Variants in SYNC observed in about 807,000 individuals in gnomAD.
The protein encoded by SYNC is syncoilin.
SYNC carries 38 observed loss-of-function variants against 49.5 expected under a neutral mutation model. That is an observed-to-expected ratio of 0.77 (90% CI 0.59 to 1.01). The LOEUF (loss-of-function observed/expected upper bound fraction) is 1.01, where lower values mean the gene tolerates loss of function less well. SYNC is among the 50% of genes least tolerant of loss of function. The pLI, the probability that SYNC is intolerant of heterozygous loss-of-function variation, is 0.00. For missense variants in SYNC, 579 were observed against 580.6 expected, an observed-to-expected ratio of 1.00 and a Z score of 0.03; for synonymous variants, 201 against 230.8, an observed-to-expected ratio of 0.87 and a Z score of 1.17.
intron 1 of SYNC, among the ~76,000 whole-genome samples, chr1:32,699,425 G>A (rs1650582509): frequency 6.6e-6 from 1 of 151,952 alleles, no homozygotes; most frequent in African/African-American, 2.4e-5. Context: ...AAAGTGCTGG[G>A]ATTACAGGCA....
intron 4 of SYNC, chr1:32,682,541 G>C (rs1308749213): frequency 1.3e-5 from 2 of 152,216 alleles, no homozygotes; most frequent in East Asian, 3.9e-4. Flanking sequence ...GAGAGGCTGA[G>C]GCACGTGGAT....
At chr1:32,689,610 G>A (rs1013492976) in intron 2 of SYNC, among the ~76,000 whole-genome samples, 4 of 152,052 alleles carry the variant, frequency 2.6e-5, no homozygotes, top group African/African-American at 7.2e-5. Flanking sequence ...AACGTTAAGA[G>A]TGGAGTGCAG....
At position 32,681,828 on chromosome 1, in the gene SYNC, T is replaced by G. The variant is rs1649457864; in HGVS notation, c.*22A>C. 6.2e-7 allele frequency: 1 copy of G among 1,614,172 alleles called. No individual in the cohort carries two copies. The highest frequency in any genetic ancestry group is 8.5e-7 in the Non-Finnish European group (1 of 1,180,016). The stretch of plus-strand genomic sequence containing the variant: ...TAAGAAGTTTTTTGCTGTTTCCGGG[T>G]TACAGATTTGGCCATATATTTCTAA... On this transcript the variant is annotated 3_prime_UTR_variant, in exon 5 of 5. Coordinates refer to ENST00000409190, the MANE Select transcript of SYNC (RefSeq NM_030786.3).
At position 32,681,838 on chromosome 1, in the gene SYNC, G is replaced by A. The variant is rs1260543642; in HGVS notation, c.*12C>T. ...TTTGCTGTTTCCGGGTTACAGATTTGGCCATATATTTCTAAACAGCCCCTG... is the reference window on the plus strand; with the variant it reads ...TTTGCTGTTTCCGGGTTACAGATTTAGCCATATATTTCTAAACAGCCCCTG... On this transcript the variant is annotated 3_prime_UTR_variant, in exon 5 of 5. Transcript: ENST00000409190. The A allele has an allele frequency of 6.2e-7, 1 of 1,614,070 alleles. No individual in the cohort carries two copies. Among genetic ancestry groups the A allele is most frequent in the South Asian group, 1.1e-5 (1 of 91,064 alleles).
chr1:32,694,382 G>A (rs1040657855), intron 2 of SYNC, among the ~76,000 whole-genome samples: 2 of 151,674 alleles, frequency 1.3e-5, no homozygotes, highest in African/African-American at 2.4e-5. Context: ...GGCCGGGCGC[G>A]GTGGCTCACA....
rs771895515 is a variant in SYNC, at chr1:32,694,895, T to C, written c.1203A>G (p.Gln401=). ...ACTGCTGCACCTCTTCATCTCGTTTTTGCCTCACAAGTGCGATCTGGTCCT... is the reference window on the plus strand; with the variant it reads ...ACTGCTGCACCTCTTCATCTCGTTTCTGCCTCACAAGTGCGATCTGGTCCT... ...NLEDQIALVR[Q]KRDEEVQQYR... The change falls in exon 2 of 5, where the codon CAA becomes CAG. Residue 401 remains glutamine (Q), a synonymous_variant. Coordinates refer to ENST00000409190, the MANE Select transcript of SYNC (RefSeq NM_030786.3). The C allele has an allele frequency of 4.3e-6, 7 of 1,610,328 alleles. No individual in the cohort carries two copies. The East Asian group carries it at 8.9e-5, about 21-fold the overall frequency.
At position 32,695,083 on chromosome 1, in the gene SYNC, G is replaced by A. The variant is rs779487400; in HGVS notation, c.1015C>T (p.Leu339=). 2 of 1,613,362 alleles carry A rather than the reference G, an allele frequency of 1.2e-6. No individual in the cohort carries two copies. Among genetic ancestry groups the A allele is most frequent in the African/African-American group, 1.3e-5 (1 of 74,870 alleles). The change falls in exon 2 of 5, where the codon CTG becomes TTG. Residue 339 remains leucine (L), a synonymous_variant. Coordinates refer to ENST00000409190, the MANE Select transcript of SYNC (RefSeq NM_030786.3). ...ENLMAESRQD[L]EEEYEPQFLR... is the part of the protein sequence containing the mutation. ...AACTGAGGCTCATACTCCTCCTCCA[G>A]GTCCTGGCGGCTCTCTGCCATGAGA...
intron 4 of SYNC, chr1:32,683,734 G>A (rs1021649031): frequency 2.9e-5 from 10 of 339,638 alleles, no homozygotes; most frequent in Non-Finnish European, 5.5e-5. Context: ...CCTGGTTCAA[G>A]CGATTCTCCT....
Position 32,684,361 on chromosome 1 carries a change from C to T in SYNC, c.1255G>A (p.Glu419Lys), listed in dbSNP as rs1440347326. Residue 419 changes from glutamate to lysine, a missense_variant, in exon 3 of 5, where the codon GAA (glutamate) becomes AAA (lysine). Coordinates refer to ENST00000409190, the MANE Select transcript of SYNC (RefSeq NM_030786.3). The part of the protein sequence containing the change: ...QYREQLEEME[E>K]RQRQLRNGVQ... ...CCATTTCTTAACTGCCTCTGGCGTT[C>T]TTCCATTTCCTCCAGCTGTTCCTGC... 3.1e-6 allele frequency: 5 copies of T among 1,614,178 alleles called. No homozygotes were observed. Among genetic ancestry groups the T allele is most frequent in the Middle Eastern group, 1.6e-4 (1 of 6,062 alleles).
At position 32,702,516 on chromosome 1, in the gene SYNC, G is replaced by T; in HGVS notation, c.53+92C>A. ...CGGCTGGACCACTACCCCTAGACAG[G>T]CGAAAGACGCCCGCGGTCGGGGGGA... is the stretch of plus-strand genomic sequence containing the variant. On this transcript the variant is annotated intron_variant, in intron 1 of 4. Coordinates refer to ENST00000409190, the MANE Select transcript of SYNC (RefSeq NM_030786.3). The surrounding 1 kb of genome is among the most constrained non-coding windows in gnomAD (Gnocchi z 6.2). 4 of 1,156,298 alleles carry T rather than the reference G, an allele frequency of 3.5e-6. No individual in the cohort carries two copies. Among genetic ancestry groups the T allele is most frequent in the Non-Finnish European group, 4.3e-6 (4 of 930,880 alleles). The allele number at this position is 1,156,298 out of a possible 1,614,324, so 71.6% of individuals were successfully genotyped here. A position where few individuals can be genotyped will look rare whatever the true frequency, so the allele number is the denominator to read the frequency against.
rs369859587 is a variant in SYNC, at chr1:32,684,371, C to T, written c.1245G>A (p.Glu415=). 1 of 1,614,074 alleles carries T rather than the reference C, an allele frequency of 6.2e-7. No homozygotes were observed. The highest frequency in any genetic ancestry group is 1.3e-5 in the African/African-American group (1 of 74,940). ...ACTGCCTCTGGCGTTCTTCCATTTC[C>T]TCCAGCTGTTCCTGCATGAGATGGC... The part of the protein sequence containing the change: ...EEVQQYREQL[E]EMEERQRQLR... Residue 415 remains glutamate (E), a synonymous_variant, in exon 3 of 5, where the codon GAG becomes GAA. Transcript: ENST00000409190.
In SYNC at chr1:32,695,119, G is replaced by A. The variant is rs1289548389; in HGVS notation, c.979C>T (p.Gln327Ter). Residue 327 changes from glutamine to a stop codon, truncating the protein, a stop_gained, in exon 2 of 5, where the codon CAG (glutamine) becomes TAG (stop). Transcript: ENST00000409190. LOFTEE classifies it high-confidence loss of function. Reference protein sequence around the residue: ...FLQESRRLSAQFENLMAESRQ... With the variant: ...FLQESRRLSA Reference sequence around the variant, plus strand: ...CTCTCTGCCATGAGATTTTCAAACTGGGCAGAGAGTCGCCGGCTTTCCTGG... The same window carrying A: ...CTCTCTGCCATGAGATTTTCAAACTAGGCAGAGAGTCGCCGGCTTTCCTGG... The A allele has an allele frequency of 6.2e-7, 1 of 1,612,240 alleles. No homozygotes were observed. The highest frequency in any genetic ancestry group is 1.3e-5 in the African/African-American group (1 of 74,830).
At position 32,680,697 on chromosome 1, in the gene SYNC, C is replaced by T. The variant is rs1347996012; in HGVS notation, c.*1153G>A. Reference sequence around the variant, plus strand: ...TATTTAGTATAAAACATCCATCAAACACCAGTCTCTGGCTTCTAGAAGAGT... The same window carrying T: ...TATTTAGTATAAAACATCCATCAAATACCAGTCTCTGGCTTCTAGAAGAGT... On this transcript the variant is annotated 3_prime_UTR_variant, in exon 5 of 5. Coordinates refer to ENST00000409190, the MANE Select transcript of SYNC (RefSeq NM_030786.3). The T allele has an allele frequency of 1.2e-5, 8 of 670,372 alleles. No homozygotes were observed. Among genetic ancestry groups the T allele is most frequent in the Non-Finnish European group, 1.5e-5 (6 of 408,060 alleles). 41.5% of individuals were successfully genotyped at this position (670,372 alleles called of 1,614,324 possible).
At chr1:32,692,894 A>T (rs959041672) in intron 2 of SYNC, among the ~76,000 whole-genome samples, 1 of 151,486 alleles carries the variant, frequency 6.6e-6, no homozygotes, top group Non-Finnish European at 1.5e-5. Context: ...AGTCCCAGCA[A>T]CTCAGGAGGC....
At chr1:32,681,900 T>C (rs772190688) in intron 4 of SYNC, 40 bp from the exon 5 acceptor site, 1 of 1,566,748 alleles carries the variant, frequency 6.4e-7, no homozygotes, top group Admixed American at 1.7e-5. Flanking sequence ...AGTGAACTTC[T>C]GAGGTTTAGT....
chr1:32,684,550 G>T, intron 2 of SYNC, 168 bp from the exon 3 acceptor site: 1 of 982,226 alleles, frequency 1.0e-6, no homozygotes, highest in Non-Finnish European at 1.4e-6. Context: ...GTTGTGTCTT[G>T]GAAAAAAAGT....
At chr1:32,700,649 A>G (rs1650630205) in intron 1 of SYNC, among the ~76,000 whole-genome samples, 1 of 152,190 alleles carries the variant, frequency 6.6e-6, no homozygotes, top group Non-Finnish European at 1.5e-5. Flanking sequence ...GTGAACTGAG[A>G]TTGCGCCATT....
At chr1:32,686,990 C>G (rs558620412) in intron 2 of SYNC, among the ~76,000 whole-genome samples, 99 of 152,236 alleles carry the variant, frequency 6.5e-4, no homozygotes, top group Admixed American at 1.4e-3. Context: ...ATATTGCATT[C>G]TATGTAAAAT....
chr1:32,695,883 T>TA lies in SYNC; in HGVS notation c.214dup (p.Tyr72LeufsTer6). On this transcript the variant is annotated frameshift_variant, in exon 2 of 5. Transcript: ENST00000409190. LOFTEE classifies it high-confidence loss of function. ...CTCTGCCTTCTCAGTCTCTTGCACA[T>TA]AGAGTGTCTCATCAAGGTCACCTGT... The TA allele has an allele frequency of 6.4e-7, 1 of 1,552,112 alleles. No homozygotes were observed. Among genetic ancestry groups the TA allele is most frequent in the Non-Finnish European group, 8.7e-7 (1 of 1,147,096 alleles).
Sources: allele counts gnomAD v4.1 joint callset (sites outside exome capture counted in the v4.1 genomes callset), GRCh38; gene constraint gnomAD v4.1.1; non-coding constraint Gnocchi (gnomAD v3.1); transcripts MANE v1.5; gene names NCBI Gene and HGNC (gene_info 2026-07-23, HGNC 2026-07-21).